The following DAZAP2 variants were observed in gnomAD, a reference collection of about 807,000 sequenced individuals.
DAZAP2 encodes DAZ associated protein 2, also known as DAZ-associated protein 2.
A neutral mutation model predicts 16.2 loss-of-function variants in DAZAP2; 3 were observed. That is an observed-to-expected ratio of 0.19 (90% CI 0.08 to 0.48). The LOEUF (loss-of-function observed/expected upper bound fraction) is 0.48, where lower values mean the gene tolerates loss of function less well. DAZAP2 is among the 20% of genes least tolerant of loss of function. The probability of loss-of-function intolerance (pLI) is 0.98; values close to 1 mark genes in which losing one functional copy is unlikely to be tolerated. For synonymous variants in DAZAP2, 69 were observed against 77.6 expected, an observed-to-expected ratio of 0.89 and a Z score of 0.58; for missense variants, 172 against 215.9, an observed-to-expected ratio of 0.80 and a Z score of 1.27.
chr12:51,246,528 A>T (rs1039671253), downstream of DAZAP2: 1 of 460,550 alleles, frequency 2.2e-6, no homozygotes, highest in African/African-American at 2.0e-5. Context: ...GTCCGTATGC[A>T]TATCTATTTG....
At position 51,240,375 on chromosome 12, in the gene DAZAP2, C is replaced by G; in HGVS notation, c.46C>G (p.Gln16Glu). Residue 16 changes from glutamine (Q) to glutamate (E), a missense_variant, in exon 2 of 4, where the codon CAG (glutamine) becomes GAG (glutamate). Gln to Glu is a conservative substitution (Grantham distance 29, BLOSUM62 2). Coordinates refer to ENST00000412716, the MANE Select transcript of DAZAP2 (RefSeq NM_014764.4). ...TCCAACACAGCCAACCTACCCTGTGCAGCCTCCTGGGAATCCAGTATACCC... is the reference window on the plus strand; with the variant it reads ...TCCAACACAGCCAACCTACCCTGTGGAGCCTCCTGGGAATCCAGTATACCC... ...QYPTQPTYPVQPPGNPVYPQT... is the reference protein window; with the variant it reads ...QYPTQPTYPVEPPGNPVYPQT... 6.2e-7 allele frequency: 1 copy of G among 1,614,076 alleles called. No homozygotes were observed. Among genetic ancestry groups the G allele is most frequent in the Non-Finnish European group, 8.5e-7 (1 of 1,180,008 alleles).
In DAZAP2 at chr12:51,243,285, A is replaced by C. The variant is rs897383397; in HGVS notation, c.*827A>C. 1 of 985,800 alleles carries C rather than the reference A, an allele frequency of 1.0e-6. No homozygotes were observed. The highest frequency in any genetic ancestry group is 1.2e-6 in the Non-Finnish European group (1 of 829,970). The allele number at this position is 985,800 out of a possible 1,614,324, so 61.1% of individuals were successfully genotyped here. A position where few individuals can be genotyped will look rare whatever the true frequency, so the allele number is the denominator to read the frequency against. On this transcript the variant is annotated 3_prime_UTR_variant, in exon 4 of 4. Transcript: ENST00000412716. ...ATGTCGTGCAAACTGTACTGTGAAC[A>C]ACAGTTGGTTTAAAATATGAGGGGC...
At chr12:51,240,596 G>A (rs777960949) in intron 2 of DAZAP2, 135 bp downstream of exon 2, 12 of 963,784 alleles carry the variant, frequency 1.2e-5, no homozygotes, top group Admixed American at 5.2e-5. Context: ...TATATAATTT[G>A]GCAATTTTTG....
chr12:51,243,083 G>C lies in DAZAP2; in HGVS notation c.*625G>C. The C allele has an allele frequency of 1.0e-6, 1 of 989,812 alleles. No individual in the cohort carries two copies. Among genetic ancestry groups the C allele is most frequent in the Non-Finnish European group, 1.2e-6 (1 of 833,060 alleles). 61.3% of individuals were successfully genotyped at this position (989,812 alleles called of 1,614,324 possible). On this transcript the variant is annotated 3_prime_UTR_variant, in exon 4 of 4. Coordinates refer to ENST00000412716, the MANE Select transcript of DAZAP2 (RefSeq NM_014764.4). ...CATCTTTTAACTAGTGTTTCACAAGGATCCTCTGAAACCCTCTCTGTGCCC... is the reference window on the plus strand; with the variant it reads ...CATCTTTTAACTAGTGTTTCACAAGCATCCTCTGAAACCCTCTCTGTGCCC...
At chr12:51,245,908 G>A (rs150412282), downstream of DAZAP2, 1,574 of 1,595,136 alleles carry the variant, frequency 9.9e-4, 15 homozygotes, top group African/African-American at 0.019. Flanking sequence ...TAGCGATGGA[G>A]CCAGGAATAA....
chr12:51,242,208 T>G, intron 3 of DAZAP2, 122 bp from the exon 4 acceptor site: 1 of 1,370,060 alleles, frequency 7.3e-7, no homozygotes, highest in Non-Finnish European at 9.8e-7. Context: ...GTGGCGGAAC[T>G]AGCTCCTTAA....
chr12:51,240,600 A>G (rs1280410872), intron 2 of DAZAP2, 139 bp downstream of exon 2: 49 of 948,154 alleles, frequency 5.2e-5, no homozygotes, highest in South Asian at 8.2e-5. Flanking sequence ...TAATTTGGCA[A>G]TTTTTGTCGG....
chr12:51,246,339 G>C (rs1048249568), downstream of DAZAP2: 24 of 581,736 alleles, frequency 4.1e-5, no homozygotes, highest in Non-Finnish European at 6.5e-5. Context: ...ACATGCTTTT[G>C]ATTTCTGACA....
chr12:51,239,373 C>T (rs939573755), intron 1 of DAZAP2: 5 of 172,898 alleles, frequency 2.9e-5, no homozygotes, highest in African/African-American at 1.2e-4. Context: ...TCGCCCTTCG[C>T]TGACGGGATC....
chr12:51,241,257 A>G lies in DAZAP2; in HGVS notation c.378+141A>G, dbSNP rs1944671304. ...ACTGACATCCAATACTCAGGCAGAA[A>G]GTGTTTGAGGGGGCAGAACTGTGGC... is the stretch of plus-strand genomic sequence containing the variant. On this transcript the variant is annotated intron_variant, in intron 3 of 3. Transcript: ENST00000412716. 4.0e-5 allele frequency: 53 copies of G among 1,317,624 alleles called. No homozygotes were observed. In the South Asian group the frequency reaches 7.1e-4, roughly 18 times the overall value. 81.6% of individuals were successfully genotyped at this position (1,317,624 alleles called of 1,614,324 possible). A position where few individuals can be genotyped will look rare whatever the true frequency, so the allele number is the denominator to read the frequency against.
downstream of DAZAP2, among the ~76,000 whole-genome samples, chr12:51,244,226 T>C (rs1285705591): frequency 6.6e-6 from 1 of 152,068 alleles, no homozygotes; most frequent in Admixed American, 6.6e-5. Context: ...TGAGACAGGG[T>C]CTCCCTCTGT....
At chr12:51,246,305 T>G, downstream of DAZAP2, 1 of 787,058 alleles carries the variant, frequency 1.3e-6, no homozygotes, top group South Asian at 2.1e-5. Flanking sequence ...ATAGCTGGAG[T>G]CTCCTGGTGC....
intron 3 of DAZAP2, among the ~76,000 whole-genome samples, chr12:51,242,103 T>TA (rs1244127919): frequency 6.6e-5 from 10 of 152,110 alleles, no homozygotes; most frequent in Admixed American, 3.3e-4. Context: ...GGCTTCATCT[T>TA]AGAGCTGGAA....
chr12:51,240,255 C>T, intron 1 of DAZAP2, 88 bp from the exon 2 acceptor site: 1 of 978,442 alleles, frequency 1.0e-6, no homozygotes, highest in Non-Finnish European at 1.6e-6. Flanking sequence ...CTTCTGCTTG[C>T]TCCCACTAAG....
chr12:51,244,021 T>TA, downstream of DAZAP2: 1 of 672,296 alleles, frequency 1.5e-6, no homozygotes, highest in Non-Finnish European at 1.8e-6. Flanking sequence ...ATTTCGGACC[T>TA]AAACTTAGAA....
chr12:51,239,154 C>G (rs113642443), intron 1 of DAZAP2: 1 of 564,414 alleles, frequency 1.8e-6, no homozygotes, highest in South Asian at 2.3e-5. Flanking sequence ...GAGCTGCGGG[C>G]TCGGGTGGTG....
At chr12:51,239,240 G>T (rs1022823148) in intron 1 of DAZAP2, 17 of 325,772 alleles carry the variant, frequency 5.2e-5, no homozygotes, top group African/African-American at 3.3e-4. Flanking sequence ...CCAATGGAGA[G>T]CCGGCGGAGG....
At chr12:51,240,176 T>C in intron 1 of DAZAP2, 167 bp from the exon 2 acceptor site, 1 of 639,186 alleles carries the variant, frequency 1.6e-6, no homozygotes, top group Non-Finnish European at 2.8e-6. Context: ...ATTTTAAGGG[T>C]GCAAAGACAA....
At chr12:51,240,504 T>C in intron 2 of DAZAP2, 43 bp downstream of exon 2, 1 of 1,502,384 alleles carries the variant, frequency 6.7e-7, no homozygotes, top group Non-Finnish European at 9.3e-7. Flanking sequence ...GGAATACTCT[T>C]AGGGTGGTCC....
Sources: allele counts gnomAD v4.1 joint callset (sites outside exome capture counted in the v4.1 genomes callset), GRCh38; gene constraint gnomAD v4.1.1; transcripts MANE v1.5; gene names NCBI Gene and HGNC (gene_info 2026-07-23, HGNC 2026-07-21).